EXOC1: variants seen among roughly 807,000 people sequenced by gnomAD.
The protein encoded by EXOC1 is exocyst complex component 1, also known as SEC3-like 1.
A neutral mutation model predicts 107.7 loss-of-function variants in EXOC1; 67 were observed. The ratio of observed to expected loss-of-function variants is 0.62; its 90% CI spans 0.51 to 0.76. EXOC1 has a LOEUF of 0.76. EXOC1 is among the 30% of genes least tolerant of loss of function. The probability of loss-of-function intolerance (pLI) is 0.00; values close to 1 mark genes in which losing one functional copy is unlikely to be tolerated. For missense variants in EXOC1, 833 were observed against 1,055.7 expected (o/e 0.79, Z 2.92); for synonymous variants, 348 against 353.5 (o/e 0.98, Z 0.17).
intron 5 of EXOC1, among the ~76,000 whole-genome samples, chr4:55,870,458 A>C (rs1722323878): frequency 6.6e-6 from 1 of 152,230 alleles, no homozygotes; most frequent in African/African-American, 2.4e-5. Context: ...CCTAACATTG[A>C]TTTAGAGGCA....
At position 55,883,917 on chromosome 4, in the gene EXOC1, G is replaced by A. The variant is rs1266689748; in HGVS notation, c.1319G>A (p.Ser440Asn). 1.0e-5 allele frequency: 16 copies of A among 1,602,292 alleles called. No individual in the cohort carries two copies. The highest frequency in any genetic ancestry group is 1.3e-5 in the Non-Finnish European group (15 of 1,176,260). Residue 440 changes from serine (S) to asparagine (N), a missense_variant, in exon 10 of 19, where the codon AGC becomes AAC. Transcript: ENST00000381295. Reference protein sequence around the residue: ...KIKMTGTTKESKKFATLPRKE... With the variant: ...KIKMTGTTKENKKFATLPRKE... The stretch of plus-strand genomic sequence containing the variant: ...AAGATGACTGGCACAACTAAAGAAA[G>A]CAAGAAGTTTGGTAAGCTTAGGCAT...
chr4:55,888,966 A>C (rs2109446439), intron 11 of EXOC1, 34 bp downstream of exon 11: 1 of 1,603,544 alleles, frequency 6.2e-7, no homozygotes, highest in Non-Finnish European at 8.5e-7. Flanking sequence ...AGGTATTCTC[A>C]ATGCATGTTT....
chr4:55,865,672 A>G (rs1156408971), intron 4 of EXOC1, among the ~76,000 whole-genome samples: 1 of 152,084 alleles, frequency 6.6e-6, no homozygotes, highest in African/African-American at 2.4e-5. Flanking sequence ...ATGCATTTCC[A>G]GATGTTATTT....
In EXOC1 at chr4:55,893,640, G is replaced by C. The variant is rs759960643; in HGVS notation, c.1813G>C (p.Asp605His). Residue 605 changes from aspartate to histidine, a missense_variant, in exon 15 of 19, where the codon GAT becomes CAT. Transcript: ENST00000381295. ...NNLIALGDKI[D>H]SFNSLYMLVK... ...CCTAATTGCATTAGGAGACAAAATT[G>C]ATAGCTTTAACTCTCTTTATATGTT... is the stretch of plus-strand genomic sequence containing the variant. The C allele has an allele frequency of 6.2e-7, 1 of 1,613,954 alleles. No homozygotes were observed. Among genetic ancestry groups the C allele is most frequent in the African/African-American group, 1.3e-5 (1 of 74,914 alleles).
At chr4:55,870,657 T>TTTG (rs1429579828) in intron 5 of EXOC1, 21 bp from the exon 6 acceptor site, 4 of 1,585,454 alleles carry the variant, frequency 2.5e-6, no homozygotes, top group African/African-American at 2.7e-5. Context: ...TGTTTGTTTG[T>TTTG]TTTGGTCTTT....
intron 8 of EXOC1, chr4:55,876,187 C>T: frequency 1.0e-6 from 1 of 985,138 alleles, no homozygotes; most frequent in East Asian, 1.1e-4. Context: ...TATGGTAGCC[C>T]AGGCATTCTA....
chr4:55,865,243 C>A (rs1303848042), intron 4 of EXOC1, among the ~76,000 whole-genome samples: 4 of 152,158 alleles, frequency 2.6e-5, no homozygotes, highest in Admixed American at 2.6e-4. Context: ...TTTTGTGTTA[C>A]AAGACAAAAA....
chr4:55,887,201 T>A (rs1577741958), intron 10 of EXOC1, among the ~76,000 whole-genome samples: 1 of 145,428 alleles, frequency 6.9e-6, no homozygotes, highest in Non-Finnish European at 1.5e-5. Flanking sequence ...AATACATACA[T>A]TTACATAATC....
At chr4:55,895,284 C>T (rs1184279386) in intron 15 of EXOC1, among the ~76,000 whole-genome samples, 1 of 152,164 alleles carries the variant, frequency 6.6e-6, no homozygotes, top group Non-Finnish European at 1.5e-5. Flanking sequence ...GTCATCTAAT[C>T]TTAAACCCAG....
At chr4:55,889,074 T>C (rs1333996784) in intron 11 of EXOC1, 142 bp downstream of exon 11, 2 of 727,178 alleles carry the variant, frequency 2.8e-6, no homozygotes, top group African/African-American at 1.8e-5. Flanking sequence ...GCCAACATGA[T>C]GGTAGTGATA....
Position 55,904,354 on chromosome 4 carries a change from C to T in EXOC1, c.2544C>T (p.His848=). 3 of 1,606,456 alleles carry T rather than the reference C, an allele frequency of 1.9e-6. No individual in the cohort carries two copies. Among genetic ancestry groups the T allele is most frequent in the Non-Finnish European group, 2.5e-6 (3 of 1,177,496 alleles). Residue 848 remains histidine, a synonymous_variant, in exon 19 of 19, where the codon CAC becomes CAT. Coordinates refer to ENST00000381295, the MANE Select transcript of EXOC1 (RefSeq NM_001024924.2). ...EEENLLQVVW[H]SMQDEFIRQY... ...TTTTTTAATAATAGGTGGTGTGGCACTCCATGCAAGATGAATTTATACGCC... is the reference window on the plus strand; with the variant it reads ...TTTTTTAATAATAGGTGGTGTGGCATTCCATGCAAGATGAATTTATACGCC...
intron 14 of EXOC1, 27 bp from the exon 15 acceptor site, chr4:55,893,525 T>C: frequency 6.3e-7 from 1 of 1,598,530 alleles, no homozygotes; most frequent in Non-Finnish European, 8.5e-7. Context: ...GTTATAACTT[T>C]ATACTTCTTG....
intron 9 of EXOC1, among the ~76,000 whole-genome samples, chr4:55,878,793 A>T (rs1723124299): frequency 6.6e-6 from 1 of 152,204 alleles, no homozygotes; most frequent in East Asian, 1.9e-4. Flanking sequence ...GTTAAGGGTG[A>T]CCGAAGCAGA....
At chr4:55,879,125 A>G (rs979609366) in intron 9 of EXOC1, among the ~76,000 whole-genome samples, 4 of 152,214 alleles carry the variant, frequency 2.6e-5, no homozygotes, top group Admixed American at 6.5e-5. Flanking sequence ...CATATATTCA[A>G]TCAGTAAATG....
chr4:55,862,230 G>C (rs1295131265), intron 3 of EXOC1, among the ~76,000 whole-genome samples: 1 of 151,924 alleles, frequency 6.6e-6, no homozygotes, highest in African/African-American at 2.4e-5. Flanking sequence ...TCGTAACCCT[G>C]TTGACTTGCA....
At chr4:55,860,679 A>G (rs1293925594) in intron 3 of EXOC1, 138 bp downstream of exon 3, 3 of 982,198 alleles carry the variant, frequency 3.1e-6, no homozygotes, top group Middle Eastern at 3.4e-4. Context: ...TTTTTAAGCT[A>G]TAATTATGTT....
chr4:55,863,047 C>T (rs942268173), intron 3 of EXOC1, among the ~76,000 whole-genome samples: 2 of 152,056 alleles, frequency 1.3e-5, no homozygotes, highest in African/African-American at 4.8e-5. Flanking sequence ...ACTACACGTA[C>T]ATGCCACTAC....
intron 10 of EXOC1, among the ~76,000 whole-genome samples, chr4:55,887,483 T>A (rs1369841911): frequency 6.6e-6 from 1 of 152,130 alleles, no homozygotes; most frequent in Non-Finnish European, 1.5e-5. Context: ...TAAAGATATT[T>A]AACATTTTAC....
chr4:55,896,710 A>C lies in EXOC1; in HGVS notation c.1954-7A>C. On this transcript the variant is annotated splice_polypyrimidine_tract_variant and splice_region_variant and intron_variant, in intron 15 of 18. Transcript: ENST00000381295. Reference sequence around the variant, plus strand: ...ATTTATCTCCCTTGCTCTCTGCCTAACTTTAGAGTAACCAAATAAGGCAAA... The same window carrying C: ...ATTTATCTCCCTTGCTCTCTGCCTACCTTTAGAGTAACCAAATAAGGCAAA... 1 of 1,594,992 alleles carries C rather than the reference A, an allele frequency of 6.3e-7. No individual in the cohort carries two copies. The highest frequency in any genetic ancestry group is 8.5e-7 in the Non-Finnish European group (1 of 1,174,550).
Sources: allele counts gnomAD v4.1 joint callset (sites outside exome capture counted in the v4.1 genomes callset), GRCh38; gene constraint gnomAD v4.1.1; transcripts MANE v1.5; gene names NCBI Gene and HGNC (gene_info 2026-07-23, HGNC 2026-07-21).